The following BOD1L1 variants were observed in gnomAD, a reference collection of about 807,000 sequenced individuals.
The protein encoded by BOD1L1 is biorientation of chromosomes in cell division 1 like 1.
BOD1L1 carries 86 observed loss-of-function variants against 240.7 expected under a neutral mutation model. The observed-to-expected ratio is 0.36, with a 90% CI of 0.30 to 0.43. The LOEUF (loss-of-function observed/expected upper bound fraction) is 0.43. BOD1L1 is among the 20% of genes least tolerant of loss of function. The probability of loss-of-function intolerance (pLI) is 1.00; values close to 1 mark genes in which losing one functional copy is unlikely to be tolerated. For missense variants in BOD1L1, 3,554 were observed against 3,643.5 expected (o/e 0.98, Z 0.63); for synonymous variants, 1,268 against 1,272.3 (o/e 1.00, Z 0.07).
At chr4:13,623,110 A>G (rs867090055) in intron 1 of BOD1L1, among the ~76,000 whole-genome samples, 6 of 152,204 alleles carry the variant, frequency 3.9e-5, no homozygotes, top group African/African-American at 1.4e-4. Context: ...CTTATTCGAA[A>G]TAAAACAGTA....
rs1388431656 is a variant in BOD1L1 at position 13,601,355 on chromosome 4, A to G, written c.5545T>C (p.Cys1849Arg). The G allele has an allele frequency of 6.2e-7, 1 of 1,613,964 alleles. No homozygotes were observed. Among genetic ancestry groups the G allele is most frequent in the South Asian group, 1.1e-5 (1 of 91,086 alleles). ...TNVPLVAAGP[C>R]DDEGIVTSTG... ...CTAGTCACAATGCCTTCATCATCAC[A>G]AGGACCAGCAGCAACTAATGGTACA... The change falls in exon 10 of 26, where the codon TGT becomes CGT. Residue 1849 changes from cysteine (C) to arginine (R), a missense_variant. Cys to Arg is a radical substitution (Grantham distance 180). This residue lies in a region of BOD1L1 where 3,393 missense variants were observed against 3,427.1 expected (regional missense o/e 0.99). Transcript: ENST00000040738.
Sources: allele counts gnomAD v4.1 joint callset (sites outside exome capture counted in the v4.1 genomes callset), GRCh38; gene constraint gnomAD v4.1.1; regional missense constraint gnomAD v4.1.1; transcripts MANE v1.5; gene names NCBI Gene and HGNC (gene_info 2026-07-23, HGNC 2026-07-21).